The following EFCAB14 variants were observed in gnomAD, a reference collection of about 807,000 sequenced individuals.
EFCAB14 encodes EF-hand calcium-binding domain-containing protein 14.
A neutral mutation model predicts 56.5 loss-of-function variants in EFCAB14; 43 were observed. The observed-to-expected ratio is 0.76, with a 90% CI of 0.60 to 0.98. The LOEUF (loss-of-function observed/expected upper bound fraction) is 0.98, where lower values mean the gene tolerates loss of function less well. EFCAB14 is among the 50% of genes least tolerant of loss of function. The pLI is 0.00. For missense variants in EFCAB14, 538 were observed against 580.3 expected, an observed-to-expected ratio of 0.93 and a Z score of 0.75; for synonymous variants, 235 against 212.9, an observed-to-expected ratio of 1.10 and a Z score of -0.90.
chr1:46,699,727 A>C lies in EFCAB14; in HGVS notation c.481-3078T>G, dbSNP rs1295221619. 3.9e-5 allele frequency among the ~76,000 whole-genome samples: 6 copies of C among 152,212 alleles called. No individual in the cohort carries two copies. In the East Asian group the frequency reaches 1.2e-3, roughly 29 times the overall value. On this transcript the variant is annotated intron_variant, in intron 3 of 10. Transcript: ENST00000371933. ...CGTGATGGTTTCAAAATATGTCTAC[A>C]AATTCTTTGATAGTCTTCTTCCCTT...
rs145052042 is a variant in EFCAB14, at chr1:46,688,677, G to A, written c.796-133C>T. On this transcript the variant is annotated intron_variant, in intron 6 of 10. Transcript: ENST00000371933. The stretch of plus-strand genomic sequence containing the variant: ...CTTTTCCTGGTTTTGACCATCAATC[G>A]TCTGTCTTTGCTTTGTCCCTCGCAC... 213 of 782,766 alleles carry A rather than the reference G, an allele frequency of 2.7e-4. No homozygotes were observed. In the African/African-American group the frequency reaches 3.3e-3, roughly 12 times the overall value. The allele number at this position is 782,766 out of a possible 1,614,324, so 48.5% of individuals were successfully genotyped here.
intron 10 of EFCAB14, among the ~76,000 whole-genome samples, chr1:46,679,599 G>GGTTTT (rs1676756096): frequency 5.5e-5 from 2 of 36,496 alleles, no homozygotes; most frequent in African/African-American, 1.1e-4. Context: ...CACCACGCCT[G>GGTTTT]TTTTTTTTTT....
intron 2 of EFCAB14, among the ~76,000 whole-genome samples, chr1:46,709,672 A>G (rs967035263): frequency 3.9e-5 from 6 of 152,242 alleles, no homozygotes; most frequent in Middle Eastern, 6.8e-3. Flanking sequence ...TATACTATTA[A>G]GTTAAACAAA....
At chr1:46,708,245 A>G (rs934738624) in intron 2 of EFCAB14, among the ~76,000 whole-genome samples, 194 bp from the exon 3 acceptor site, 3 of 152,212 alleles carry the variant, frequency 2.0e-5, no homozygotes, top group Non-Finnish European at 2.9e-5. Context: ...ACTGCTGGCA[A>G]TGCAACTTTT....
intron 8 of EFCAB14, 38 bp from the exon 9 acceptor site, chr1:46,684,640 A>C (rs929147330): frequency 4.5e-6 from 7 of 1,543,326 alleles, no homozygotes; most frequent in Non-Finnish European, 6.3e-6. Flanking sequence ...TTAAGGTGGT[A>C]GTAAGACTTC....
At chr1:46,682,252 C>G (rs535049558) in intron 10 of EFCAB14, 3 of 152,146 alleles carry the variant, frequency 2.0e-5, no homozygotes, top group Non-Finnish European at 4.4e-5. Context: ...GGAGCCTAAT[C>G]CAGTCACTGG....
At chr1:46,684,706 A>G (rs1676851640) in intron 8 of EFCAB14, 104 bp from the exon 9 acceptor site, 2 of 864,004 alleles carry the variant, frequency 2.3e-6, no homozygotes, top group Non-Finnish European at 3.8e-6. Flanking sequence ...TTTGACCCTC[A>G]GTAGGTTCCC....
At chr1:46,693,941 T>G (rs1225546550) in intron 4 of EFCAB14, among the ~76,000 whole-genome samples, 1 of 152,234 alleles carries the variant, frequency 6.6e-6, no homozygotes, top group South Asian at 2.1e-4. Context: ...TACAACCATC[T>G]GATCTTTGAC....
chr1:46,681,663 G>GTTTTTTTTTTTTTTT (rs10654448), intron 10 of EFCAB14, among the ~76,000 whole-genome samples: 3 of 149,224 alleles, frequency 2.0e-5, no homozygotes. Flanking sequence ...GAAGAGTTCT[G>GTTTTTTTTTTTTTTT]TTTTTTTTTT....
Position 46,716,396 on chromosome 1 carries a change from A to G in EFCAB14, c.233T>C (p.Phe78Ser). Residue 78 changes from phenylalanine to serine, a missense_variant, in exon 2 of 11, where the codon TTT becomes TCT. Phe to Ser is a radical substitution (Grantham distance 155, BLOSUM62 -2). Transcript: ENST00000371933. ...CCKICYPLCGFVILAACVVAC... is the reference protein window; with the variant it reads ...CCKICYPLCGSVILAACVVAC... ...CACAACACAGGCAGCAAGGATGACA[A>G]AACCACAGAGCGGATAACAGATCTT... is the stretch of plus-strand genomic sequence containing the variant. 1 of 1,614,218 alleles carries G rather than the reference A, an allele frequency of 6.2e-7. No individual in the cohort carries two copies. Among genetic ancestry groups the G allele is most frequent in the Non-Finnish European group, 8.5e-7 (1 of 1,180,036 alleles).
chr1:46,699,558 GA>G (rs1303225598), intron 3 of EFCAB14, among the ~76,000 whole-genome samples: 1 of 152,222 alleles, frequency 6.6e-6, no homozygotes, highest in Non-Finnish European at 1.5e-5. Context: ...TGGACATTGA[GA>G]AGGCTAGTCT....
intron 2 of EFCAB14, among the ~76,000 whole-genome samples, chr1:46,709,119 T>G (rs1181387772): frequency 6.6e-6 from 1 of 152,340 alleles, no homozygotes; most frequent in South Asian, 2.1e-4. Context: ...TGCTATTTTG[T>G]TCACTTCTAC....
intron 6 of EFCAB14, 37 bp downstream of exon 6, chr1:46,689,550 T>G: frequency 6.2e-7 from 1 of 1,602,020 alleles, no homozygotes; most frequent in Non-Finnish European, 8.6e-7. Flanking sequence ...TGCAGTGCAC[T>G]GTGGTCACAG....
intron 4 of EFCAB14, among the ~76,000 whole-genome samples, chr1:46,693,361 C>T (rs544147614): frequency 1.3e-5 from 2 of 152,214 alleles, no homozygotes; most frequent in East Asian, 1.9e-4. Flanking sequence ...TCCAAGAGAA[C>T]ACGAGATGAC....
rs915822099 is a variant in EFCAB14 at position 46,684,542 on chromosome 1, C to T, written c.1135G>A (p.Ala379Thr). 1 of 1,614,042 alleles carries T rather than the reference C, an allele frequency of 6.2e-7. No individual in the cohort carries two copies. The highest frequency in any genetic ancestry group is 1.7e-4 in the Middle Eastern group (1 of 6,060). ...TTGCTCTCAGGTTTGTTTGTAAGAG[C>T]ACTGATCAGCTGGAGTTTCTCTCTT... is the stretch of plus-strand genomic sequence containing the variant. ...KLREKLQLIS[A>T]LTNKPESNRP... The change falls in exon 9 of 11, where the codon GCT becomes ACT. Residue 379 changes from alanine to threonine, a missense_variant. By Grantham distance (58) the Ala-to-Thr change is moderately conservative. Coordinates refer to ENST00000371933, the MANE Select transcript of EFCAB14 (RefSeq NM_014774.3).
At chr1:46,704,547 C>T (rs1164426143) in intron 3 of EFCAB14, among the ~76,000 whole-genome samples, 2 of 147,340 alleles carry the variant, frequency 1.4e-5, no homozygotes, top group Non-Finnish European at 3.0e-5. Context: ...GAGGACACAA[C>T]AAGAAAGTGC....
chr1:46,692,456 CAT>C (rs1166434217), intron 4 of EFCAB14, among the ~76,000 whole-genome samples: 2 of 152,198 alleles, frequency 1.3e-5, no homozygotes, highest in African/African-American at 4.8e-5. Flanking sequence ...TCCCCTTTAT[CAT>C]ATGCTTTCTA....
chr1:46,682,813 C>CA, intron 10 of EFCAB14, among the ~76,000 whole-genome samples: 1 of 152,304 alleles, frequency 6.6e-6, no homozygotes, highest in Non-Finnish European at 1.5e-5. Context: ...CACTTGAGGT[C>CA]AGGAGTTCAA....
intron 8 of EFCAB14, among the ~76,000 whole-genome samples, chr1:46,685,747 A>G (rs1185886588): frequency 1.3e-5 from 2 of 152,202 alleles, no homozygotes; most frequent in African/African-American, 4.8e-5. Context: ...AATTGCTACT[A>G]CTTTCTAATA....
Sources: gnomAD v4.1 joint callset for allele counts (sites outside exome capture counted in the v4.1 genomes callset) on GRCh38, gnomAD v4.1.1 for gene constraint, MANE v1.5 for transcripts, NCBI Gene and HGNC (gene_info 2026-07-23, HGNC 2026-07-21) for gene names.